TAFA1: variants seen among roughly 807,000 people sequenced by gnomAD.
TAFA1 encodes TAFA chemokine like family member 1.
TAFA1 carries 4 observed loss-of-function variants against 18.5 expected under a neutral mutation model. The observed-to-expected ratio is 0.22, with a 90% CI of 0.11 to 0.49. The LOEUF (loss-of-function observed/expected upper bound fraction) is 0.49. TAFA1 is among the 20% of genes least tolerant of loss of function. TAFA1 has a pLI of 0.98. For synonymous variants in TAFA1, 56 were observed against 55.2 expected, an observed-to-expected ratio of 1.01 and a Z score of -0.06; for missense variants, 147 against 169.0, an observed-to-expected ratio of 0.87 and a Z score of 0.72.
At chr3:68,276,101 A>G (rs1256078563) in intron 2 of TAFA1, among the ~76,000 whole-genome samples, 1 of 152,138 alleles carries the variant, frequency 6.6e-6, no homozygotes, top group Non-Finnish European at 1.5e-5. Context: ...AAGACTAGAA[A>G]AAAACAATTT....
At chr3:68,428,769 G>C (rs1004035124) in intron 3 of TAFA1, among the ~76,000 whole-genome samples, 3 of 151,882 alleles carry the variant, frequency 2.0e-5, no homozygotes, top group Non-Finnish European at 4.4e-5. Context: ...AAAATGATTG[G>C]GCAATTAACT....
At chr3:68,172,622 G>A (rs2066070465) in intron 2 of TAFA1, among the ~76,000 whole-genome samples, 1 of 152,084 alleles carries the variant, frequency 6.6e-6, no homozygotes, top group South Asian at 2.1e-4. Context: ...CAACCCTAGT[G>A]TCCATCAGCT....
chr3:68,346,960 T>C (rs1263974661), intron 2 of TAFA1, among the ~76,000 whole-genome samples: 1 of 152,174 alleles, frequency 6.6e-6, no homozygotes, highest in African/African-American at 2.4e-5. Context: ...CTAAGATCTT[T>C]CTATGAGGGA....
rs147911873 is a variant in TAFA1, at chr3:68,270,955, G to A, written c.119-146325G>A. On this transcript the variant is annotated intron_variant, in intron 2 of 4. Coordinates refer to ENST00000478136, the MANE Select transcript of TAFA1 (RefSeq NM_213609.4). ...GACTTCTTAAAAACATTGATTTTCC[G>A]TCCATGTTAATCAAGACTCTTTGTG... is the stretch of plus-strand genomic sequence containing the variant. Among the ~76,000 whole-genome samples, 538 of 152,114 alleles carry A rather than the reference G, an allele frequency of 3.5e-3. 8 individuals carry two copies. Among genetic ancestry groups the A allele is most frequent in the African/African-American group, 0.012 (504 of 41,500 alleles).
intron 2 of TAFA1, among the ~76,000 whole-genome samples, chr3:68,203,255 A>C (rs964863916): frequency 6.6e-6 from 1 of 151,610 alleles, no homozygotes; most frequent in African/African-American, 2.4e-5. Context: ...TTTGAAAATG[A>C]TGTGCCTAGG....
chr3:68,155,063 T>C (rs2065851104), intron 2 of TAFA1, among the ~76,000 whole-genome samples: 1 of 152,222 alleles, frequency 6.6e-6, no homozygotes, highest in South Asian at 2.1e-4. Context: ...CCATGCCTTA[T>C]TAACAAACCA....
At chr3:68,268,162 G>C (rs1203228007) in intron 2 of TAFA1, among the ~76,000 whole-genome samples, 1 of 152,050 alleles carries the variant, frequency 6.6e-6, no homozygotes, top group Non-Finnish European at 1.5e-5. Context: ...AAGTTCTAAG[G>C]TATTTGACTG....
chr3:68,288,166 G>C (rs143187550), intron 2 of TAFA1, among the ~76,000 whole-genome samples: 5 of 152,184 alleles, frequency 3.3e-5, no homozygotes, highest in African/African-American at 1.2e-4. Context: ...TCCAGAATTA[G>C]CAGAAGTAGA....
intron 3 of TAFA1, among the ~76,000 whole-genome samples, chr3:68,504,741 C>G (rs1322922968): frequency 1.3e-5 from 2 of 152,056 alleles, no homozygotes; most frequent in Non-Finnish European, 2.9e-5. Context: ...AAAATATTCC[C>G]CATCTGCAGC....
chr3:68,052,055 A>G (rs1025251776), intron 2 of TAFA1, among the ~76,000 whole-genome samples: 9 of 152,158 alleles, frequency 5.9e-5, no homozygotes, highest in African/African-American at 2.2e-4. Flanking sequence ...GTCAATGAAA[A>G]GTGTGCAAAG....
At chr3:68,378,103 G>T (rs988247498) in intron 2 of TAFA1, among the ~76,000 whole-genome samples, 1 of 152,184 alleles carries the variant, frequency 6.6e-6, no homozygotes, top group Non-Finnish European at 1.5e-5. Context: ...GGCCCCATAC[G>T]GAGTCCCCAC....
chr3:68,234,924 C>T (rs2066911005), intron 2 of TAFA1, among the ~76,000 whole-genome samples: 1 of 152,144 alleles, frequency 6.6e-6, no homozygotes, highest in Admixed American at 6.5e-5. Context: ...AGTGTACATG[C>T]TCAGTAGAGA....
intron 2 of TAFA1, among the ~76,000 whole-genome samples, chr3:68,362,940 C>CTT (rs10681791): frequency 0.53 from 63,632 of 121,040 alleles, 16,826 homozygotes; most frequent in East Asian, 0.87. Flanking sequence ...AGATTTCTTC[C>CTT]TTTTTTTTTT....
chr3:68,288,458 A>G (rs2068054106), intron 2 of TAFA1, among the ~76,000 whole-genome samples: 1 of 152,168 alleles, frequency 6.6e-6, no homozygotes, highest in South Asian at 2.1e-4. Context: ...GAATTTGCCC[A>G]TGGAAGATTA....
At chr3:68,327,038 C>A (rs1269202585) in intron 2 of TAFA1, among the ~76,000 whole-genome samples, 1 of 152,120 alleles carries the variant, frequency 6.6e-6, no homozygotes, top group Non-Finnish European at 1.5e-5. Context: ...TGGTTCTTTC[C>A]TGTGCTATTC....
intron 3 of TAFA1, among the ~76,000 whole-genome samples, chr3:68,458,573 G>A (rs2071710362): frequency 6.6e-6 from 1 of 152,130 alleles, no homozygotes; most frequent in Admixed American, 6.6e-5. Context: ...CCAGTACTAA[G>A]ACACAGGAAT....
chr3:68,195,315 A>G (rs185468780), intron 2 of TAFA1, among the ~76,000 whole-genome samples: 10 of 148,720 alleles, frequency 6.7e-5, no homozygotes, highest in Non-Finnish European at 6.0e-5. Context: ...TTGTGCCTTT[A>G]CACTACCCCT....
chr3:68,333,443 C>T (rs948875915), intron 2 of TAFA1, among the ~76,000 whole-genome samples: 1 of 152,038 alleles, frequency 6.6e-6, no homozygotes, highest in African/African-American at 2.4e-5. Context: ...TACATATGAA[C>T]ACAAGGGAAC....
intron 2 of TAFA1, among the ~76,000 whole-genome samples, chr3:68,017,439 A>G (rs979343613): frequency 6.6e-6 from 1 of 152,202 alleles, no homozygotes; most frequent in Non-Finnish European, 1.5e-5. Context: ...GCAGTTGCTC[A>G]CACAGAGCCT....
Sources: allele counts gnomAD v4.1 joint callset (sites outside exome capture counted in the v4.1 genomes callset), GRCh38; gene constraint gnomAD v4.1.1; transcripts MANE v1.5; gene names NCBI Gene and HGNC (gene_info 2026-07-23, HGNC 2026-07-21).